The following POTEH variants were observed in gnomAD, a reference collection of about 807,000 sequenced individuals.
POTEH encodes POTE ankyrin domain family member H.
POTEH carries 6 observed loss-of-function variants against 41.7 expected under a neutral mutation model. The ratio of observed to expected loss-of-function variants is 0.14; its 90% CI spans 0.08 to 0.28. The LOEUF (loss-of-function observed/expected upper bound fraction) is 0.28. Ranked by LOEUF, POTEH falls within the 10% of genes least tolerant of loss-of-function variation. The pLI is 1.00. For synonymous variants in POTEH, 38 were observed against 179.9 expected, an observed-to-expected ratio of 0.21 and a Z score of 6.31; for missense variants, 115 against 533.5, an observed-to-expected ratio of 0.22 and a Z score of 7.73.
At chr22:15,708,624 G>C (rs1341918200) in intron 7 of POTEH, among the ~76,000 whole-genome samples, 1 of 144,016 alleles carries the variant, frequency 6.9e-6, no homozygotes, top group South Asian at 2.3e-4. Context: ...TTTAATATTT[G>C]ATATTTAACT....
chr22:15,708,513 CAAAAAAAAAA>C (rs1165699401), intron 7 of POTEH, among the ~76,000 whole-genome samples: 3 of 7,234 alleles, frequency 4.1e-4, no homozygotes, highest in East Asian at 0.01. Flanking sequence ...GACTCTGTGT[CAAAAAAAAAA>C]AAAAAAAAAA....
rs1989355309 is a variant in POTEH, at chr22:15,692,767, A to AG, written c.632+2059dup. Among the ~76,000 whole-genome samples the AG allele has an allele frequency of 1.6e-5, 2 of 127,280 alleles. 1 individual carries two copies. Among genetic ancestry groups the AG allele is most frequent in the Non-Finnish European group, 3.6e-5 (2 of 56,294 alleles). The allele number at this position is 127,280 out of a possible 152,430, so 83.5% of individuals were successfully genotyped here. ...GAGACCCCATCTAAAAAAAAAAAAA[A>AG]GCATGAAATACTGTTTTCTATCCAC... On this transcript the variant is annotated intron_variant, in intron 1 of 10. Transcript: ENST00000343518.
intron 1 of POTEH, among the ~76,000 whole-genome samples, chr22:15,692,009 A>ATATATATATATATATATATAAATAAAAC (rs1421248855): frequency 7.8e-6 from 1 of 128,558 alleles, no homozygotes; most frequent in Non-Finnish European, 1.7e-5. Context: ...TATATATATA[A>ATATATATATATATATATATAAATAAAAC]ATTTCTTTTT....
chr22:15,714,119 G>A, intron 9 of POTEH, among the ~76,000 whole-genome samples: 3 of 149,990 alleles, frequency 2.0e-5, no homozygotes. Flanking sequence ...TCTCTCTCTT[G>A]ACACTTCACA....
In POTEH at chr22:15,718,889, CATA is replaced by C. The variant is rs1236793183; in HGVS notation, c.1521-767_1521-765del. Among the ~76,000 whole-genome samples, 19 of 146,376 alleles carry C rather than the reference CATA, an allele frequency of 1.3e-4. No individual in the cohort carries two copies. In the South Asian group the frequency reaches 4.0e-3, roughly 31 times the overall value. The stretch of plus-strand genomic sequence containing the variant: ...TTAATTCAAAGTCCTATGTTAAAAA[CATA>C]ATATTAGACCCTGTCTTGTTCTAAA... On this transcript the variant is annotated intron_variant, in intron 9 of 10. Transcript: ENST00000343518.
intron 1 of POTEH, among the ~76,000 whole-genome samples, chr22:15,692,532 G>A (rs868864566): frequency 0.015 from 2,054 of 132,792 alleles, 1 homozygote; most frequent in Non-Finnish European, 0.026. Context: ...GAGGCAGGTG[G>A]ATCATGAAGT....
At chr22:15,691,938 G>C (rs1283676667) in intron 1 of POTEH, among the ~76,000 whole-genome samples, 1 of 145,858 alleles carries the variant, frequency 6.9e-6, no homozygotes, top group African/African-American at 2.5e-5. Context: ...TACAAAAAGA[G>C]AAACATACCA....
At chr22:15,691,944 T>C (rs1201066829) in intron 1 of POTEH, among the ~76,000 whole-genome samples, 1 of 146,066 alleles carries the variant, frequency 6.8e-6, no homozygotes, top group African/African-American at 2.5e-5. Context: ...AAGAGAAACA[T>C]ACCAGAAGAA....
intron 9 of POTEH, 35 bp downstream of exon 9, chr22:15,711,069 CTA>C (rs1989811995): frequency 6.2e-7 from 1 of 1,610,498 alleles, no homozygotes; most frequent in African/African-American, 1.3e-5. Context: ...GGAGATAACT[CTA>C]TGCTGTGAAT....
In POTEH at chr22:15,692,794, A is replaced by C. The variant is rs192723103; in HGVS notation, c.632+2085A>C. ...CATGAAATACTGTTTTCTATCCACA[A>C]ATGAGGATGAATAACAGTGGTACTT... On this transcript the variant is annotated intron_variant, in intron 1 of 10. Coordinates refer to ENST00000343518, the MANE Select transcript of POTEH (RefSeq NM_001136213.1). 5.4e-5 allele frequency among the ~76,000 whole-genome samples: 7 copies of C among 130,098 alleles called. No homozygotes were observed. In the Admixed American group the frequency reaches 5.5e-4, roughly 10 times the overall value. 85.3% of individuals were successfully genotyped at this position (130,098 alleles called of 152,430 possible). A position where few individuals can be genotyped will look rare whatever the true frequency, so the allele number is the denominator to read the frequency against.
chr22:15,714,514 T>C (rs1989891735), intron 9 of POTEH, among the ~76,000 whole-genome samples: 1 of 152,118 alleles, frequency 6.6e-6, no homozygotes, highest in South Asian at 2.1e-4. Flanking sequence ...CTTACCTATC[T>C]CTAGTGCTTA....
intron 9 of POTEH, among the ~76,000 whole-genome samples, chr22:15,718,235 T>C: frequency 6.8e-5 from 2 of 29,346 alleles, no homozygotes; most frequent in East Asian, 1.3e-3. Context: ...TCAGGCTCTT[T>C]TGTGGTCCTA....
chr22:15,691,417 T>A (rs1166042583), intron 1 of POTEH, among the ~76,000 whole-genome samples: 2 of 124,520 alleles, frequency 1.6e-5, no homozygotes, highest in East Asian at 4.2e-4. Flanking sequence ...TCCCAGCTAC[T>A]CAGGAGGCTG....
chr22:15,691,215 T>G (rs1989300767), intron 1 of POTEH, among the ~76,000 whole-genome samples: 1 of 140,304 alleles, frequency 7.1e-6, no homozygotes, highest in African/African-American at 2.6e-5. Context: ...ATAGGAAGAT[T>G]GAATTTTCTG....
intron 9 of POTEH, among the ~76,000 whole-genome samples, chr22:15,717,357 C>A (rs1325979722): frequency 2.2e-5 from 2 of 92,670 alleles, no homozygotes; most frequent in Non-Finnish European, 4.8e-5. Flanking sequence ...ATTTTTAGTT[C>A]TTTGAGAACT....
chr22:15,711,614 A>G (rs1989826089), intron 9 of POTEH, among the ~76,000 whole-genome samples: 1 of 151,716 alleles, frequency 6.6e-6, no homozygotes, highest in South Asian at 2.1e-4. Flanking sequence ...CTGTTGGTAA[A>G]TACATTTTGA....
intron 1 of POTEH, among the ~76,000 whole-genome samples, chr22:15,692,207 A>G (rs78778761): frequency 0.3 from 28,877 of 96,594 alleles, 2,245 homozygotes; most frequent in African/African-American, 0.37. Flanking sequence ...GGGTTTCACC[A>G]TCTTGGCCAG....
intron 9 of POTEH, among the ~76,000 whole-genome samples, chr22:15,711,375 T>A (rs1320180135): frequency 2.0e-5 from 3 of 151,938 alleles, no homozygotes; most frequent in Non-Finnish European, 4.4e-5. Flanking sequence ...ACTCGAATGG[T>A]AGTTTTTTGG....
At chr22:15,705,784 T>A (rs1369086547) in intron 6 of POTEH, among the ~76,000 whole-genome samples, 1 of 151,240 alleles carries the variant, frequency 6.6e-6, no homozygotes, top group Non-Finnish European at 1.5e-5. Flanking sequence ...CATTTGTAAC[T>A]TGCATCCTAG....
Sources: allele counts gnomAD v4.1 joint callset (sites outside exome capture counted in the v4.1 genomes callset), GRCh38; gene constraint gnomAD v4.1.1; transcripts MANE v1.5; gene names NCBI Gene and HGNC (gene_info 2026-07-23, HGNC 2026-07-21).